The following OSMR variants were observed in gnomAD, a reference collection of about 807,000 sequenced individuals.
OSMR encodes the protein oncostatin M receptor.
OSMR carries 81 observed loss-of-function variants against 99.9 expected under a neutral mutation model. The ratio of observed to expected loss-of-function variants is 0.81; its 90% CI spans 0.68 to 0.97. The LOEUF is 0.97. Ranked by LOEUF, OSMR falls within the 50% of genes least tolerant of loss-of-function variation. The pLI is 0.00. For missense variants in OSMR, 1,099 were observed against 1,153.4 expected, an observed-to-expected ratio of 0.95 and a Z score of 0.68; for synonymous variants, 406 against 410.4, an observed-to-expected ratio of 0.99 and a Z score of 0.13.
Position 38,935,428 on chromosome 5 carries a change from A to C in OSMR, c.*1984A>C, listed in dbSNP as rs2112721186. On this transcript the variant is annotated 3_prime_UTR_variant, in exon 18 of 18. Transcript: ENST00000274276. ...CTGATTAGTCTAACAGTTGTGTTAG[A>C]CTTTAGGGCCAGTATTGTCAGCATT... The C allele has an allele frequency of 6.6e-6, 1 of 152,132 alleles. No individual in the cohort carries two copies. The highest frequency in any genetic ancestry group is 1.9e-4 in the East Asian group (1 of 5,162). The allele number at this position is 152,132 out of a possible 1,614,324, so 9.4% of individuals were successfully genotyped here. A position where few individuals can be genotyped will look rare whatever the true frequency, so the allele number is the denominator to read the frequency against.
At chr5:38,898,492 A>G (rs992977415) in intron 7 of OSMR, among the ~76,000 whole-genome samples, 1 of 152,134 alleles carries the variant, frequency 6.6e-6, no homozygotes, top group Non-Finnish European at 1.5e-5. Flanking sequence ...GTGCCTTTAT[A>G]GGCTAAGTGC....
chr5:38,916,129 A>C (rs1745882424), intron 9 of OSMR, among the ~76,000 whole-genome samples: 1 of 152,240 alleles, frequency 6.6e-6, no homozygotes, highest in Non-Finnish European at 1.5e-5. Context: ...CCAACAAAAC[A>C]ATTTACAAAC....
At chr5:38,920,063 C>A (rs1460449488) in intron 11 of OSMR, among the ~76,000 whole-genome samples, 1 of 152,140 alleles carries the variant, frequency 6.6e-6, no homozygotes, top group Non-Finnish European at 1.5e-5. Flanking sequence ...GGGGGCATTT[C>A]ATTCAGCCTC....
intron 7 of OSMR, among the ~76,000 whole-genome samples, chr5:38,891,648 C>T (rs1022146306): frequency 6.6e-6 from 1 of 152,220 alleles, no homozygotes; most frequent in Admixed American, 6.5e-5. Context: ...CCACCTGCCC[C>T]TGCCCCAGGC....
rs748999331 is a variant in OSMR at position 38,933,166 on chromosome 5, A to T, written c.2662A>T (p.Thr888Ser). Residue 888 changes from threonine (T) to serine (S), a missense_variant, in exon 18 of 18, where the codon ACC (threonine) becomes TCC (serine). Thr to Ser is a moderately conservative substitution (Grantham distance 58). Transcript: ENST00000274276. Reference sequence around the variant, plus strand: ...AGCCCCAAGTATGCTGGGACTAATGACCTCACCTGAAAATGTACTAAAGGC... The same window carrying T: ...AGCCCCAAGTATGCTGGGACTAATGTCCTCACCTGAAAATGTACTAAAGGC... ...PKAPSMLGLM[T>S]SPENVLKALE... The T allele has an allele frequency of 2.0e-5, 33 of 1,614,172 alleles. No homozygotes were observed. The highest frequency in any genetic ancestry group is 3.3e-5 in the Admixed American group (2 of 60,030).
chr5:38,846,233 C>T lies in OSMR; in HGVS notation c.-168C>T, dbSNP rs1047467242. On this transcript the variant is annotated 5_prime_UTR_variant, in exon 1 of 18. Coordinates refer to ENST00000274276, the MANE Select transcript of OSMR (RefSeq NM_003999.3). ...GCCCCGTGCTGTGCGGGAAAGAATC[C>T]GACAACTTCGCAGCCCATCCCGGCT... 1 of 152,262 alleles carries T rather than the reference C, an allele frequency of 6.6e-6. No individual in the cohort carries two copies. Among genetic ancestry groups the T allele is most frequent in the Admixed American group, 6.5e-5 (1 of 15,284 alleles). 9.4% of individuals were successfully genotyped at this position (152,262 alleles called of 1,614,324 possible). A position where few individuals can be genotyped will look rare whatever the true frequency, so the allele number is the denominator to read the frequency against.
chr5:38,887,531 ATTC>A (rs1743865476), intron 7 of OSMR, among the ~76,000 whole-genome samples: 1 of 152,162 alleles, frequency 6.6e-6, no homozygotes, highest in Admixed American at 6.5e-5. Context: ...AGAGTTCTGG[ATTC>A]TTAATTCCAC....
chr5:38,859,194 C>T (rs1741087495), intron 1 of OSMR, among the ~76,000 whole-genome samples: 1 of 151,976 alleles, frequency 6.6e-6, no homozygotes, highest in Non-Finnish European at 1.5e-5. Context: ...TGTTCAGAAG[C>T]GTTTCTGCTA....
chr5:38,862,627 C>T (rs1297258950), intron 1 of OSMR, among the ~76,000 whole-genome samples: 9 of 151,578 alleles, frequency 5.9e-5, no homozygotes, highest in African/African-American at 2.2e-4. Context: ...AGAGGCGCTC[C>T]TCACATCCCA....
chr5:38,929,636 G>A (rs1746628588), intron 15 of OSMR, among the ~76,000 whole-genome samples: 1 of 152,118 alleles, frequency 6.6e-6, no homozygotes, highest in Non-Finnish European at 1.5e-5. Context: ...AAGCAATTTT[G>A]GAAAACTCCT....
intron 1 of OSMR, among the ~76,000 whole-genome samples, chr5:38,854,044 A>C (rs981861551): frequency 1.4e-4 from 21 of 146,882 alleles, no homozygotes; most frequent in Admixed American, 8.9e-4. Context: ...AGTACTCTTA[A>C]AAAAAAAAAA....
intron 7 of OSMR, among the ~76,000 whole-genome samples, chr5:38,892,721 C>T (rs906345010): frequency 1.3e-5 from 2 of 152,124 alleles, no homozygotes; most frequent in Non-Finnish European, 2.9e-5. Flanking sequence ...ACAGACATTT[C>T]CCATGGCTTT....
chr5:38,938,793 G>A, downstream of OSMR: 1 of 233,062 alleles, frequency 4.3e-6, no homozygotes, highest in Non-Finnish European at 8.5e-6. Context: ...TTGAGATTAA[G>A]ATAGTAACAG....
chr5:38,909,908 C>T (rs891515142), intron 9 of OSMR, among the ~76,000 whole-genome samples: 3 of 152,160 alleles, frequency 2.0e-5, no homozygotes, highest in Admixed American at 1.3e-4. Context: ...AGGTTACATG[C>T]CCCAATTAAA....
downstream of OSMR, among the ~76,000 whole-genome samples, chr5:38,936,058 C>T (rs1341850836): frequency 6.6e-6 from 1 of 152,144 alleles, no homozygotes; most frequent in Non-Finnish European, 1.5e-5. Flanking sequence ...TTAGGAAGTG[C>T]TATTCAGAAA....
intron 5 of OSMR, among the ~76,000 whole-genome samples, chr5:38,884,359 G>C (rs1743538551): frequency 6.6e-6 from 1 of 152,184 alleles, no homozygotes; most frequent in Non-Finnish European, 1.5e-5. Context: ...CACAGTTCAG[G>C]TCATGACCTG....
At chr5:38,846,802 A>G (rs997632275) in intron 1 of OSMR, among the ~76,000 whole-genome samples, 1 of 152,148 alleles carries the variant, frequency 6.6e-6, no homozygotes, top group East Asian at 1.9e-4. Flanking sequence ...CTGGAAACCT[A>G]GGCACGGAGG....
chr5:38,943,933 T>TA (rs1391020157), intron 1 of OSMR, among the ~76,000 whole-genome samples: 5 of 152,176 alleles, frequency 3.3e-5, no homozygotes. Flanking sequence ...TATGACTTGT[T>TA]ACATGTAAGC....
At chr5:38,902,633 A>G (rs1367032975) in intron 7 of OSMR, among the ~76,000 whole-genome samples, 2 of 152,152 alleles carry the variant, frequency 1.3e-5, no homozygotes, top group Non-Finnish European at 2.9e-5. Context: ...CAACAACCCT[A>G]ACTGCACCGT....
Sources: gnomAD v4.1 joint callset for allele counts (sites outside exome capture counted in the v4.1 genomes callset) on GRCh38, gnomAD v4.1.1 for gene constraint, MANE v1.5 for transcripts, NCBI Gene and HGNC (gene_info 2026-07-23, HGNC 2026-07-21) for gene names.